LTBP2: variants seen among roughly 807,000 people sequenced by gnomAD.
LTBP2 encodes latent-transforming growth factor beta-binding protein 2.
Under a neutral mutation model 210.6 loss-of-function variants are expected in LTBP2, and 103 were observed. That is an observed-to-expected ratio of 0.49 (90% CI 0.42 to 0.58). LTBP2 has a LOEUF of 0.58. LTBP2 is among the 20% of genes least tolerant of loss of function. The probability of loss-of-function intolerance (pLI) is 0.00; values close to 1 mark genes in which losing one functional copy is unlikely to be tolerated. For synonymous variants in LTBP2, 1,007 were observed against 1,015.0 expected (o/e 0.99, Z 0.15); for missense variants, 2,313 against 2,494.5 (o/e 0.93, Z 1.55).
At chr14:74,561,188 G>T (rs1017877276) in intron 3 of LTBP2, among the ~76,000 whole-genome samples, 2 of 151,976 alleles carry the variant, frequency 1.3e-5, no homozygotes, top group East Asian at 1.9e-4. Context: ...CGTGGTGGTG[G>T]GCACCTGTAG....
chr14:74,602,579 T>C (rs1025851648), intron 2 of LTBP2, among the ~76,000 whole-genome samples: 1 of 152,198 alleles, frequency 6.6e-6, no homozygotes, highest in Admixed American at 6.5e-5. Context: ...AGTTACCTGA[T>C]TGTGCTTCAC....
At chr14:74,549,519 A>G (rs114253022) in intron 8 of LTBP2, among the ~76,000 whole-genome samples, 2,080 of 152,282 alleles carry the variant, frequency 0.014, 52 homozygotes, top group African/African-American at 0.048. Context: ...TAAAGAAAAC[A>G]CTGAATCACT....
chr14:74,505,983 T>C, intron 28 of LTBP2, 65 bp downstream of exon 28: 1 of 1,601,426 alleles, frequency 6.2e-7, no homozygotes. Context: ...AGTAGAGGGA[T>C]GCAGAGGGAC....
intron 26 of LTBP2, 63 bp from the exon 27 acceptor site, chr14:74,506,886 CGCGT>C: frequency 5.7e-6 from 9 of 1,575,632 alleles, no homozygotes; most frequent in African/African-American, 3.0e-5. Flanking sequence ...TGTGCGCGCG[CGCGT>C]GTGTGCTCAC....
At chr14:74,573,496 C>G (rs1473035091) in intron 3 of LTBP2, among the ~76,000 whole-genome samples, 2 of 152,212 alleles carry the variant, frequency 1.3e-5, no homozygotes, top group African/African-American at 2.4e-5. Flanking sequence ...AGCTCCCTCG[C>G]AACAGGTACT....
intron 3 of LTBP2, among the ~76,000 whole-genome samples, chr14:74,583,843 G>A (rs113654318): frequency 1.3e-5 from 2 of 152,360 alleles, no homozygotes; most frequent in African/African-American, 4.8e-5. Context: ...TCCTGGTCCA[G>A]TGAGCAAATG....
At chr14:74,601,070 A>T (rs1247714625) in intron 2 of LTBP2, among the ~76,000 whole-genome samples, 1 of 152,180 alleles carries the variant, frequency 6.6e-6, no homozygotes, top group Admixed American at 6.5e-5. Context: ...TGTTAAAAAA[A>T]TTACAGTGCC....
chr14:74,578,125 G>C (rs954704292), intron 3 of LTBP2, among the ~76,000 whole-genome samples: 4 of 152,076 alleles, frequency 2.6e-5, no homozygotes, highest in African/African-American at 9.7e-5. Context: ...CAGGCCTTCA[G>C]GTGGGCCCAC....
intron 9 of LTBP2, among the ~76,000 whole-genome samples, 172 bp from the exon 10 acceptor site, chr14:74,532,720 A>C (rs1357177785): frequency 1.3e-5 from 2 of 152,258 alleles, no homozygotes; most frequent in African/African-American, 2.4e-5. Flanking sequence ...TTGTAAAATG[A>C]GGATAATGAT....
chr14:74,505,160 C>T lies in LTBP2; in HGVS notation c.4192G>A (p.Glu1398Lys). 1 of 1,613,192 alleles carries T rather than the reference C, an allele frequency of 6.2e-7. No homozygotes were observed. Among genetic ancestry groups the T allele is most frequent in the Non-Finnish European group, 8.5e-7 (1 of 1,180,024 alleles). Residue 1398 changes from glutamate (E) to lysine (K), a missense_variant, in exon 29 of 36, where the codon GAG (glutamate) becomes AAG (lysine). Physicochemically the swap from Glu to Lys is moderately conservative, Grantham distance 56. Around this residue, in one of 3 missense-constraint regions of LTBP2, gnomAD observed 1,867 missense variants for 1,976.9 expected, o/e 0.94. Coordinates refer to ENST00000261978, the MANE Select transcript of LTBP2 (RefSeq NM_000428.3). ...GGGGCATGGTCCCCCGTTGGGGCCT[C>T]AGACATACTCTGACCTGTGCGTGAC... ...PRGAGGQSMS[E>K]APTGDHAPAP...
rs370612575 is a variant in LTBP2 at position 74,507,967 on chromosome 14, C to T, written c.3775+6G>A. ...GAGCCCTGTGCCCTCCCCCCAGAGCCCTTACCCACACACTCTCCACTCTCT... is the reference window on the plus strand; with the variant it reads ...GAGCCCTGTGCCCTCCCCCCAGAGCTCTTACCCACACACTCTCCACTCTCT... On this transcript the variant is annotated splice_donor_region_variant and intron_variant, in intron 25 of 35. Coordinates refer to ENST00000261978, the MANE Select transcript of LTBP2 (RefSeq NM_000428.3). 6.2e-7 allele frequency: 1 copy of T among 1,612,956 alleles called. No individual in the cohort carries two copies. The highest frequency in any genetic ancestry group is 2.2e-5 in the East Asian group (1 of 44,874).
At chr14:74,596,331 A>C (rs1038135543) in intron 2 of LTBP2, among the ~76,000 whole-genome samples, 2 of 152,218 alleles carry the variant, frequency 1.3e-5, no homozygotes, top group Admixed American at 6.5e-5. Context: ...TCGAGGGCCC[A>C]AGATCCAGAA....
Position 74,570,618 on chromosome 14 carries a change from G to C in LTBP2, c.831-14925C>G, listed in dbSNP as rs1029291275. 3.7e-5 allele frequency among the ~76,000 whole-genome samples: 5 copies of C among 136,934 alleles called. No individual in the cohort carries two copies. The East Asian group carries it at 9.7e-4, about 27-fold the overall frequency. The allele number at this position is 136,934 out of a possible 152,430, so 89.8% of individuals were successfully genotyped here. On this transcript the variant is annotated intron_variant, in intron 3 of 35. Transcript: ENST00000261978. ...TCAACCTATGATGTGCCAGGCCTCT[G>C]CTAAGGCATTTTATTTTTTTATTTA...
chr14:74,566,762 G>A (rs1156328718), intron 3 of LTBP2, among the ~76,000 whole-genome samples: 1 of 152,144 alleles, frequency 6.6e-6, no homozygotes, highest in African/African-American at 2.4e-5. Flanking sequence ...GTGTCCCCAA[G>A]GAGTCTCAAG....
At chr14:74,556,523 T>A (rs1442534701) in intron 3 of LTBP2, among the ~76,000 whole-genome samples, 1 of 152,222 alleles carries the variant, frequency 6.6e-6, no homozygotes, top group Non-Finnish European at 1.5e-5. Context: ...TTTTTGCTTG[T>A]TTTTGTTTTT....
intron 3 of LTBP2, among the ~76,000 whole-genome samples, chr14:74,569,010 C>G (rs1376477902): frequency 1.3e-5 from 2 of 152,172 alleles, no homozygotes; most frequent in African/African-American, 2.4e-5. Context: ...TGCTCCCCTC[C>G]TTGTCTCCTA....
At chr14:74,540,830 A>ATATTATATATATT (rs1555350191) in intron 8 of LTBP2, among the ~76,000 whole-genome samples, 1 of 68,644 alleles carries the variant, frequency 1.5e-5, no homozygotes, top group African/African-American at 5.1e-5. Flanking sequence ...ATTTTTATAT[A>ATATTATATATATT]ATATATATTT....
intron 17 of LTBP2, among the ~76,000 whole-genome samples, chr14:74,519,977 G>A (rs913211746): frequency 3.3e-5 from 5 of 152,102 alleles, no homozygotes; most frequent in Non-Finnish European, 4.4e-5. Context: ...TCAGCTCCCC[G>A]GAAGTCAGCT....
Position 74,571,129 on chromosome 14 carries a change from C to T in LTBP2, c.830+14725G>A, listed in dbSNP as rs139905554. Among the ~76,000 whole-genome samples, 512 of 151,650 alleles carry T rather than the reference C, an allele frequency of 3.4e-3. 14 individuals carry two copies. The South Asian group carries it at 0.077, about 23-fold the overall frequency. Reference sequence around the variant, plus strand: ...GGCGGATCACTTGAGGTCAGGAGTTCGATACCAGCCTGGCCAACATAGTGA... The same window carrying T: ...GGCGGATCACTTGAGGTCAGGAGTTTGATACCAGCCTGGCCAACATAGTGA... On this transcript the variant is annotated intron_variant, in intron 3 of 35. Coordinates refer to ENST00000261978, the MANE Select transcript of LTBP2 (RefSeq NM_000428.3).
Sources: gnomAD v4.1 joint callset for allele counts (sites outside exome capture counted in the v4.1 genomes callset) on GRCh38, gnomAD v4.1.1 for gene constraint, gnomAD v4.1.1 regional missense constraint, MANE v1.5 for transcripts, NCBI Gene and HGNC (gene_info 2026-07-23, HGNC 2026-07-21) for gene names.